CTNND2: variants seen among roughly 807,000 people sequenced by gnomAD.
CTNND2 encodes the protein catenin delta-2.
Under a neutral mutation model 144.4 loss-of-function variants are expected in CTNND2, and 22 were observed. The ratio of observed to expected loss-of-function variants is 0.15; its 90% CI spans 0.11 to 0.22. The LOEUF (loss-of-function observed/expected upper bound fraction) is 0.22, where lower values mean the gene tolerates loss of function less well. Ranked by LOEUF, CTNND2 falls within the 10% of genes least tolerant of loss-of-function variation. The probability of loss-of-function intolerance (pLI) is 1.00; values close to 1 mark genes in which losing one functional copy is unlikely to be tolerated. For synonymous variants in CTNND2, 751 were observed against 695.6 expected (o/e 1.08, Z -1.25); for missense variants, 1,353 against 1,618.8 (o/e 0.84, Z 2.82).
At chr5:11,169,736 C>T (rs879861858) in intron 11 of CTNND2, among the ~76,000 whole-genome samples, 36 of 152,188 alleles carry the variant, frequency 2.4e-4, no homozygotes, top group East Asian at 3.9e-4. Context: ...AACATAAGCG[C>T]GCTAATTGAA....
intron 9 of CTNND2, among the ~76,000 whole-genome samples, chr5:11,240,928 C>T (rs1483309112): frequency 6.7e-6 from 1 of 149,876 alleles, no homozygotes; most frequent in Non-Finnish European, 1.5e-5. Flanking sequence ...CCCCAACACA[C>T]ACCCAACACA....
intron 16 of CTNND2, among the ~76,000 whole-genome samples, chr5:11,024,652 G>A (rs900094847): frequency 6.6e-6 from 1 of 152,156 alleles, no homozygotes; most frequent in African/African-American, 2.4e-5. Context: ...TTACACCCTT[G>A]ACTGTGTATG....
At chr5:11,890,612 T>C (rs1209835804) in intron 1 of CTNND2, among the ~76,000 whole-genome samples, 1 of 152,214 alleles carries the variant, frequency 6.6e-6, no homozygotes. Context: ...GCTTGTCAGT[T>C]CCTATGTGTA....
intron 18 of CTNND2, among the ~76,000 whole-genome samples, chr5:11,003,138 A>C (rs1227204378): frequency 2.0e-5 from 3 of 152,172 alleles, no homozygotes; most frequent in Admixed American, 1.3e-4. Flanking sequence ...TTTTCACCTT[A>C]GCTGTCCTTG....
chr5:11,303,781 C>T (rs1749858027), intron 9 of CTNND2, among the ~76,000 whole-genome samples: 1 of 152,128 alleles, frequency 6.6e-6, no homozygotes, highest in South Asian at 2.1e-4. Flanking sequence ...AGTCTTCATT[C>T]TAAAATGAAG....
At chr5:11,805,169 C>G (rs903815126) in intron 1 of CTNND2, among the ~76,000 whole-genome samples, 2 of 152,034 alleles carry the variant, frequency 1.3e-5, no homozygotes, top group African/African-American at 4.8e-5. Context: ...TACATTTAAG[C>G]AACAGGAGGA....
chr5:10,973,574 G>A lies in CTNND2; in HGVS notation c.3557C>T (p.Thr1186Ile). Residue 1186 changes from threonine (T) to isoleucine (I), a missense_variant, in exon 22 of 22, where the codon ACC becomes ATC. Physicochemically the swap from Thr to Ile is moderately conservative, Grantham distance 89 (BLOSUM62 -1). Transcript: ENST00000304623. The surrounding 1 kb of genome is among the most constrained non-coding windows in gnomAD (Gnocchi z 5.6). The part of the protein sequence containing the change: ...VHHRPPASEY[T>I]MHLGLKSTGN... ...GGTGGACTTGAGACCCAGGTGCATGGTGTACTCGCTGGCGGGAGGGCGATG... is the reference window on the plus strand; with the variant it reads ...GGTGGACTTGAGACCCAGGTGCATGATGTACTCGCTGGCGGGAGGGCGATG... 6.2e-7 allele frequency: 1 copy of A among 1,614,184 alleles called. No homozygotes were observed. The highest frequency in any genetic ancestry group is 8.5e-7 in the Non-Finnish European group (1 of 1,180,030).
At chr5:11,594,930 T>A (rs1418301527) in intron 2 of CTNND2, among the ~76,000 whole-genome samples, 1 of 152,254 alleles carries the variant, frequency 6.6e-6, no homozygotes, top group Non-Finnish European at 1.5e-5. Context: ...TTTTGGCTTC[T>A]TATTTTCTGA....
intron 2 of CTNND2, among the ~76,000 whole-genome samples, chr5:11,635,065 T>C (rs1340911444): frequency 1.3e-5 from 2 of 151,996 alleles, no homozygotes; most frequent in Non-Finnish European, 2.9e-5. Context: ...AAGGGAAGGA[T>C]AGCTTCATAA....
At chr5:11,678,800 C>G (rs1008635166) in intron 2 of CTNND2, among the ~76,000 whole-genome samples, 1 of 151,980 alleles carries the variant, frequency 6.6e-6, no homozygotes, top group African/African-American at 2.4e-5. Context: ...GTAAAATGTT[C>G]CGGCCTATAT....
At chr5:11,608,854 G>GCAC in intron 2 of CTNND2, among the ~76,000 whole-genome samples, 1 of 152,262 alleles carries the variant, frequency 6.6e-6, no homozygotes, top group East Asian at 1.9e-4. Context: ...AGCAGCAGCA[G>GCAC]CACCATCATC....
chr5:11,285,348 A>C lies in CTNND2; in HGVS notation c.1629-48525T>G, dbSNP rs188469466. ...GAAATCTCTCTTCCCCTATTGCAAT[A>C]GTTTCTGAATAAAATCTGGTTTTGC... On this transcript the variant is annotated intron_variant, in intron 9 of 21. Coordinates refer to ENST00000304623, the MANE Select transcript of CTNND2 (RefSeq NM_001332.4). Among the ~76,000 whole-genome samples, 4 of 152,306 alleles carry C rather than the reference A, an allele frequency of 2.6e-5. No individual in the cohort carries two copies. In the East Asian group the frequency reaches 7.7e-4, roughly 29 times the overall value.
At chr5:11,400,251 C>T (rs779348427) in intron 5 of CTNND2, among the ~76,000 whole-genome samples, 24 of 152,038 alleles carry the variant, frequency 1.6e-4, no homozygotes, top group East Asian at 7.8e-4. Flanking sequence ...AAATGGTAGA[C>T]GAAGAGAAAG....
chr5:11,292,324 AG>A (rs754319649), intron 9 of CTNND2, among the ~76,000 whole-genome samples: 1 of 152,170 alleles, frequency 6.6e-6, no homozygotes, highest in Non-Finnish European at 1.5e-5. Flanking sequence ...ATACTGGAGT[AG>A]GGTGGGCCCC....
At position 11,395,912 on chromosome 5, in the gene CTNND2, T is replaced by C. The variant is rs61749790; in HGVS notation, c.612+1119A>G. On this transcript the variant is annotated intron_variant, in intron 6 of 21. Transcript: ENST00000304623. ...TGCCTCTCACCTCTGCATTCATTTT[T>C]TGGGGCCATGTGGCCTGCCAGGTGC... 4.2e-4 allele frequency among the ~76,000 whole-genome samples: 64 copies of C among 152,356 alleles called. No homozygotes were observed. The East Asian group carries it at 9.8e-3, about 23-fold the overall frequency.
intron 3 of CTNND2, among the ~76,000 whole-genome samples, chr5:11,504,717 T>G (rs1432490068): frequency 6.6e-6 from 1 of 152,162 alleles, no homozygotes; most frequent in African/African-American, 2.4e-5. Flanking sequence ...CAGATACATT[T>G]CATGGGTTTC....
At chr5:11,093,981 T>C (rs1393638466) in intron 15 of CTNND2, among the ~76,000 whole-genome samples, 3 of 152,220 alleles carry the variant, frequency 2.0e-5, no homozygotes, top group South Asian at 4.1e-4. Flanking sequence ...GCTCTTCCCA[T>C]GAAACATGGC....
chr5:11,281,703 C>T (rs1747135669), intron 9 of CTNND2, among the ~76,000 whole-genome samples: 1 of 152,188 alleles, frequency 6.6e-6, no homozygotes, highest in African/African-American at 2.4e-5. Context: ...CCTCCCCACC[C>T]ACTCACATGG....
At chr5:11,376,424 T>C (rs1296002395) in intron 7 of CTNND2, among the ~76,000 whole-genome samples, 1 of 152,060 alleles carries the variant, frequency 6.6e-6, no homozygotes, top group Middle Eastern at 3.2e-3. Context: ...CTCTTTTTCA[T>C]GCCACTAACT....
Sources: gnomAD v4.1 joint callset for allele counts (sites outside exome capture counted in the v4.1 genomes callset) on GRCh38, gnomAD v4.1.1 for gene constraint, Gnocchi (gnomAD v3.1) non-coding constraint, MANE v1.5 for transcripts, NCBI Gene and HGNC (gene_info 2026-07-23, HGNC 2026-07-21) for gene names.